RAP1A: variants seen among roughly 807,000 people sequenced by gnomAD.
RAP1A encodes the protein RAP1A, member of RAS oncogene family, also known as ras-related protein Rap-1A.
In RAP1A, 6 loss-of-function variants were observed where a neutral mutation model predicts 26.4. That is an observed-to-expected ratio of 0.23 (90% confidence interval 0.12 to 0.45). The LOEUF (loss-of-function observed/expected upper bound fraction) is 0.45, where lower values mean the gene tolerates loss of function less well. RAP1A is among the 20% of genes least tolerant of loss of function. RAP1A has a pLI of 0.99. For missense variants in RAP1A, 121 were observed against 217.2 expected, an observed-to-expected ratio of 0.56 and a Z score of 2.78; for synonymous variants, 73 against 79.4, an observed-to-expected ratio of 0.92 and a Z score of 0.43.
intron 1 of RAP1A, among the ~76,000 whole-genome samples, chr1:111,588,748 C>G (rs559750440): frequency 6.6e-6 from 1 of 152,334 alleles, no homozygotes; most frequent in South Asian, 2.1e-4. Context: ...TCTAGAAGAG[C>G]AACTGGTGCA....
At chr1:111,595,063 T>G (rs1658541980) in intron 1 of RAP1A, among the ~76,000 whole-genome samples, 1 of 152,208 alleles carries the variant, frequency 6.6e-6, no homozygotes, top group Non-Finnish European at 1.5e-5. Flanking sequence ...ATATAGAAAA[T>G]TATGCAACCA....
chr1:111,675,603 C>T (rs149746831), intron 1 of RAP1A, among the ~76,000 whole-genome samples: 2 of 152,196 alleles, frequency 1.3e-5, no homozygotes, highest in African/African-American at 4.8e-5. Flanking sequence ...CCTTTATAAG[C>T]TCCTTGAGGA....
intron 3 of RAP1A, among the ~76,000 whole-genome samples, chr1:111,696,364 A>G (rs1661827156): frequency 6.6e-6 from 1 of 152,252 alleles, no homozygotes; most frequent in African/African-American, 2.4e-5. Flanking sequence ...AAGGACTACT[A>G]GTAGAGCAGT....
intron 1 of RAP1A, among the ~76,000 whole-genome samples, chr1:111,583,312 A>G (rs993936190): frequency 1.4e-5 from 2 of 143,260 alleles, no homozygotes; most frequent in African/African-American, 5.1e-5. Flanking sequence ...AAAAAAAAAT[A>G]CAGCAAGTTT....
At chr1:111,632,855 A>C (rs1417872853) in intron 1 of RAP1A, among the ~76,000 whole-genome samples, 1 of 134,918 alleles carries the variant, frequency 7.4e-6, no homozygotes, top group African/African-American at 2.8e-5. Context: ...TGGGAGGCAG[A>C]GGTTGTGGTG....
intron 1 of RAP1A, among the ~76,000 whole-genome samples, chr1:111,682,861 C>G (rs1210660731): frequency 6.6e-6 from 1 of 152,222 alleles, no homozygotes; most frequent in Non-Finnish European, 1.5e-5. Flanking sequence ...CCCAAATCAA[C>G]AGAATATACA....
At chr1:111,567,008 T>G (rs926868680) in intron 1 of RAP1A, among the ~76,000 whole-genome samples, 1 of 152,012 alleles carries the variant, frequency 6.6e-6, no homozygotes, top group Non-Finnish European at 1.5e-5. Flanking sequence ...TCATGGTATA[T>G]CGATAGTTTT....
chr1:111,559,772 T>G (rs1359603665), intron 1 of RAP1A, among the ~76,000 whole-genome samples: 1 of 152,242 alleles, frequency 6.6e-6, no homozygotes, highest in Non-Finnish European at 1.5e-5. Flanking sequence ...TTCAATTGGC[T>G]AAAAGCCATA....
chr1:111,650,661 A>G (rs1660236801), intron 1 of RAP1A: 1 of 152,222 alleles, frequency 6.6e-6, no homozygotes, highest in Non-Finnish European at 1.5e-5. Flanking sequence ...AAATTGGTAC[A>G]TATGTTACAG....
intron 1 of RAP1A, among the ~76,000 whole-genome samples, chr1:111,588,391 T>G (rs1658418720): frequency 6.6e-6 from 1 of 152,182 alleles, no homozygotes; most frequent in African/African-American, 2.4e-5. Context: ...AGAATAATCT[T>G]TCTAAGATGC....
intron 1 of RAP1A, among the ~76,000 whole-genome samples, chr1:111,589,452 C>G (rs1347333024): frequency 6.6e-6 from 1 of 152,078 alleles, no homozygotes; most frequent in Admixed American, 6.5e-5. Flanking sequence ...AGATTTTATC[C>G]CAACATACCT....
chr1:111,689,964 C>G (rs1291562464), intron 1 of RAP1A, among the ~76,000 whole-genome samples: 1 of 152,262 alleles, frequency 6.6e-6, no homozygotes, highest in East Asian at 1.9e-4. Flanking sequence ...GCGTGAGCCA[C>G]TGCGCCCGGC....
chr1:111,589,259 C>T (rs769520302), intron 1 of RAP1A, among the ~76,000 whole-genome samples: 3 of 152,140 alleles, frequency 2.0e-5, no homozygotes, highest in Non-Finnish European at 4.4e-5. Context: ...TTCAGGTTTT[C>T]TTACCAAATA....
intron 1 of RAP1A, among the ~76,000 whole-genome samples, chr1:111,627,777 AT>A (rs71580583): frequency 4.5e-4 from 66 of 147,134 alleles, no homozygotes; most frequent in Middle Eastern, 3.5e-3. Context: ...GAATTTCAGC[AT>A]TTTTTTTTTT....
At chr1:111,548,654 T>A (rs1657130555) in intron 1 of RAP1A, among the ~76,000 whole-genome samples, 1 of 152,178 alleles carries the variant, frequency 6.6e-6, no homozygotes, top group African/African-American at 2.4e-5. Flanking sequence ...CAAACAAGAT[T>A]AATTTTTTCC....
intron 4 of RAP1A, among the ~76,000 whole-genome samples, chr1:111,698,443 A>T (rs554758235): frequency 3.9e-5 from 6 of 151,946 alleles, no homozygotes; most frequent in South Asian, 2.1e-4. Context: ...TAATAAAAAA[A>T]TTTTTTTTGT....
At chr1:111,672,099 C>T (rs1660993622) in intron 1 of RAP1A, among the ~76,000 whole-genome samples, 1 of 151,962 alleles carries the variant, frequency 6.6e-6, no homozygotes, top group South Asian at 2.1e-4. Context: ...CTATATGTCT[C>T]TTAAGTTGAT....
In RAP1A at chr1:111,563,960, A is replaced by G. The variant is rs752841719; in HGVS notation, c.-28+21451A>G. 6.2e-6 allele frequency: 10 copies of G among 1,607,888 alleles called. No individual in the cohort carries two copies. In the South Asian group the frequency reaches 1.1e-4, roughly 18 times the overall value. The stretch of plus-strand genomic sequence containing the variant: ...TGCTGGAGACCCTTCCATTGGTCCA[A>G]CTGGTGGTCTCTACCAACTGCCACA... On this transcript the variant is annotated intron_variant, in intron 1 of 7. Coordinates refer to the RAP1A transcript ENST00000356415.
chr1:111,705,523 A>G (rs1379679383), intron 6 of RAP1A, among the ~76,000 whole-genome samples: 1 of 152,254 alleles, frequency 6.6e-6, no homozygotes, highest in Non-Finnish European at 1.5e-5. Flanking sequence ...TATTTTACAG[A>G]TAATCAAGAA....
Sources: allele counts gnomAD v4.1 joint callset (sites outside exome capture counted in the v4.1 genomes callset), GRCh38; gene constraint gnomAD v4.1.1; transcripts MANE v1.5; gene names NCBI Gene and HGNC (gene_info 2026-07-23, HGNC 2026-07-21).